ATG2B: variants seen among roughly 807,000 people sequenced by gnomAD.
ATG2B encodes autophagy related 2B.
In ATG2B, 121 loss-of-function variants were observed where a neutral mutation model predicts 241.3. The ratio of observed to expected loss-of-function variants is 0.50; its 90% confidence interval spans 0.43 to 0.58. The LOEUF (loss-of-function observed/expected upper bound fraction) is 0.58, where lower values mean the gene tolerates loss of function less well. Among genes scored for constraint, ATG2B ranks in the 20% least tolerant of loss-of-function variants. The pLI is 0.00. For missense variants in ATG2B, 2,306 were observed against 2,491.6 expected, an observed-to-expected ratio of 0.93 and a Z score of 1.59; for synonymous variants, 858 against 876.6, an observed-to-expected ratio of 0.98 and a Z score of 0.37.
rs1886137919 is a variant in ATG2B, at chr14:96,279,437, T to G, written c.*6318A>C. The G allele has an allele frequency of 6.6e-6, 1 of 152,224 alleles. No individual in the cohort carries two copies. Among genetic ancestry groups the G allele is most frequent in the Non-Finnish European group, 1.5e-5 (1 of 68,056 alleles). 9.4% of individuals were successfully genotyped at this position (152,224 alleles called of 1,614,324 possible). On this transcript the variant is annotated 3_prime_UTR_variant, in exon 42 of 42. Coordinates refer to ENST00000359933, the MANE Select transcript of ATG2B (RefSeq NM_018036.7). The stretch of plus-strand genomic sequence containing the variant: ...TTCATTCATTCACTCATTCACCATT[T>G]GCTGATCCCTGACTCTGGGCAAGGC...
chr14:96,343,109 T>C lies in ATG2B; in HGVS notation c.744+10A>G, dbSNP rs760293731. On this transcript the variant is annotated intron_variant, in intron 5 of 41. Transcript: ENST00000359933. ...ATGATTATGGTTTTAGGGTTTTTGT[T>C]TTTTCTTACCACTGGTGCAGTTGAA... 3.3e-6 allele frequency: 5 copies of C among 1,533,040 alleles called. No homozygotes were observed. Among genetic ancestry groups the C allele is most frequent in the Non-Finnish European group, 4.4e-6 (5 of 1,140,268 alleles). The allele number at this position is 1,533,040 out of a possible 1,614,324, so 95.0% of individuals were successfully genotyped here.
chr14:96,304,563 C>G lies in ATG2B; in HGVS notation c.4774G>C (p.Gly1592Arg). Residue 1592 changes from glycine (G) to arginine (R), a missense_variant, in exon 32 of 42, where the codon GGA becomes CGA. Around this residue, in one of 2 missense-constraint regions of ATG2B, gnomAD observed 1,927 missense variants for 2,011.2 expected, o/e 0.96. Coordinates refer to ENST00000359933, the MANE Select transcript of ATG2B (RefSeq NM_018036.7). ...TTTCCCCCACATACTGTATTACGTC[C>G]ATGTCTCGTGGGTGTGTGAGAAGGC... Reference protein sequence around the residue: ...SSPSHTPTRHGRNTVCGGKGR... With the variant: ...SSPSHTPTRHRRNTVCGGKGR... 1 of 1,609,060 alleles carries G rather than the reference C, an allele frequency of 6.2e-7. No homozygotes were observed. The highest frequency in any genetic ancestry group is 8.5e-7 in the Non-Finnish European group (1 of 1,178,002).
rs745806160 is a variant in ATG2B at position 96,295,128 on chromosome 14, G to C, written c.5258C>G (p.Pro1753Arg). The C allele has an allele frequency of 2.5e-6, 4 of 1,614,044 alleles. No individual in the cohort carries two copies. In the East Asian group the frequency reaches 8.9e-5, roughly 36 times the overall value. Residue 1753 changes from proline to arginine, a missense_variant, in exon 36 of 42, where the codon CCA (proline) becomes CGA (arginine). This residue lies in a region of ATG2B where 379 missense variants were observed against 480.4 expected (regional missense o/e 0.79). Coordinates refer to ENST00000359933, the MANE Select transcript of ATG2B (RefSeq NM_018036.7). Reference protein sequence around the residue: ...SPGADVTCSLPRHLSTSKEPN... With the variant: ...SPGADVTCSLRRHLSTSKEPN... ...CTCCTTTGAGGTACTCAAATGCCTTGGCAAACTGCAGGTGACATCAGCTCC... is the reference window on the plus strand; with the variant it reads ...CTCCTTTGAGGTACTCAAATGCCTTCGCAAACTGCAGGTGACATCAGCTCC...
At chr14:96,360,692 T>G (rs981300927) in intron 1 of ATG2B, among the ~76,000 whole-genome samples, 1 of 152,214 alleles carries the variant, frequency 6.6e-6, no homozygotes, top group African/African-American at 2.4e-5. Context: ...ATTGATCATT[T>G]AGAATTGAAA....
At position 96,290,650 on chromosome 14, in the gene ATG2B, A is replaced by C; in HGVS notation, c.5702-60T>G. 6.3e-7 allele frequency: 1 copy of C among 1,594,862 alleles called. No homozygotes were observed. The highest frequency in any genetic ancestry group is 8.6e-7 in the Non-Finnish European group (1 of 1,169,526). ...ACAGTTCAGACTTTTCTATCATTCT[A>C]ACCCTGGGGTTTTTAACTCCTAAAA... On this transcript the variant is annotated intron_variant, in intron 39 of 41. Coordinates refer to ENST00000359933, the MANE Select transcript of ATG2B (RefSeq NM_018036.7). This position sits in a 1 kb window ranked among gnomAD's most constrained non-coding sequence, Gnocchi z 4.4.
intron 15 of ATG2B, chr14:96,324,234 A>C (rs1196153745): frequency 2.2e-6 from 1 of 447,938 alleles, no homozygotes; most frequent in African/African-American, 2.0e-5. Flanking sequence ...CATAAAGTAC[A>C]TAATGACATA....
Position 96,290,345 on chromosome 14 carries a change from T to C in ATG2B, c.5856+91A>G, listed in dbSNP as rs1252152869. 74 of 1,464,026 alleles carry C rather than the reference T, an allele frequency of 5.1e-5. No homozygotes were observed. The highest frequency in any genetic ancestry group is 6.4e-5 in the Non-Finnish European group (70 of 1,086,166). 90.7% of individuals were successfully genotyped at this position (1,464,026 alleles called of 1,614,324 possible). A position where few individuals can be genotyped will look rare whatever the true frequency, so the allele number is the denominator to read the frequency against. ...TAAAGTATCTACTCACAACATTTTG[T>C]ATATCTTCACAGTATCGTTTTAAAA... On this transcript the variant is annotated intron_variant, in intron 40 of 41. Coordinates refer to ENST00000359933, the MANE Select transcript of ATG2B (RefSeq NM_018036.7). The surrounding 1 kb of genome is among the most constrained non-coding windows in gnomAD (Gnocchi z 4.4).
intron 18 of ATG2B, among the ~76,000 whole-genome samples, chr14:96,320,936 G>A (rs2139869043): frequency 6.6e-6 from 1 of 152,200 alleles, no homozygotes; most frequent in African/African-American, 2.4e-5. Flanking sequence ...CCTCTCTAAT[G>A]TGAATTGAAT....
chr14:96,315,624 T>C (rs1249057404), intron 21 of ATG2B, 41 bp from the exon 22 acceptor site: 1 of 1,493,910 alleles, frequency 6.7e-7, no homozygotes, highest in Non-Finnish European at 9.3e-7. Context: ...ACAAAATGAT[T>C]ACTTGAAATT....
chr14:96,362,800 G>A lies in ATG2B; in HGVS notation c.162+15C>T. 1.9e-6 allele frequency: 3 copies of A among 1,583,830 alleles called. No individual in the cohort carries two copies. Among genetic ancestry groups the A allele is most frequent in the South Asian group, 1.1e-5 (1 of 89,146 alleles). Reference sequence around the variant, plus strand: ...GGGAGCGAGCCCCGCCCGGCTCGCCGCCGGCAGCTCTTACCCATTTGTCCA... The same window carrying A: ...GGGAGCGAGCCCCGCCCGGCTCGCCACCGGCAGCTCTTACCCATTTGTCCA... On this transcript the variant is annotated intron_variant, in intron 1 of 41. Transcript: ENST00000359933.
rs771625294 is a variant in ATG2B, at chr14:96,341,676, C to G, written c.770G>C (p.Ser257Thr). 27 of 1,583,800 alleles carry G rather than the reference C, an allele frequency of 1.7e-5. No homozygotes were observed. The highest frequency in any genetic ancestry group is 4.7e-5 in the South Asian group (4 of 85,038). The change falls in exon 6 of 42, where the codon AGC becomes ACC. Residue 257 changes from serine (S) to threonine (T), a missense_variant. Around this residue, in one of 2 missense-constraint regions of ATG2B, gnomAD observed 1,927 missense variants for 2,011.2 expected, o/e 0.96. Transcript: ENST00000359933. ...PVETEPKLSP[S>T]WNPKIIYEPH... is the part of the protein sequence containing the mutation. ...CTCATAAATAATTTTGGGGTTCCAG[C>G]TAGGTGAGAGCTTTGGCTCAGTTTC...
At chr14:96,305,565 A>G in intron 31 of ATG2B, 24 bp downstream of exon 31, 11 of 1,508,724 alleles carry the variant, frequency 7.3e-6, no homozygotes, top group Non-Finnish European at 1.0e-5. Flanking sequence ...CCTCCCAAAT[A>G]AACTTATATA....
intron 6 of ATG2B, among the ~76,000 whole-genome samples, chr14:96,336,879 G>A (rs1887881840): frequency 6.6e-6 from 1 of 152,140 alleles, no homozygotes; most frequent in African/African-American, 2.4e-5. Context: ...CATTGTAAAA[G>A]GATTTTGCAC....
intron 29 of ATG2B, among the ~76,000 whole-genome samples, chr14:96,307,555 TG>T (rs1480656259): frequency 1.3e-5 from 2 of 152,328 alleles, no homozygotes; most frequent in East Asian, 1.9e-4. Context: ...AGTGGAGTTT[TG>T]CTTTACCCAG....
Position 96,289,073 on chromosome 14 carries a change from T to C in ATG2B, c.6006+583A>G, listed in dbSNP as rs1030858304. Among the ~76,000 whole-genome samples the C allele has an allele frequency of 1.3e-5, 2 of 152,202 alleles. No homozygotes were observed. The highest frequency in any genetic ancestry group is 2.9e-5 in the Non-Finnish European group (2 of 68,032). On this transcript the variant is annotated intron_variant, in intron 41 of 41. Coordinates refer to ENST00000359933, the MANE Select transcript of ATG2B (RefSeq NM_018036.7). This position sits in a 1 kb window ranked among gnomAD's most constrained non-coding sequence, Gnocchi z 4.3. Reference sequence around the variant, plus strand: ...ACCATAAAACTGTGGAAATTAGACCTACATGGATTAAGATTAACATGGATC... The same window carrying C: ...ACCATAAAACTGTGGAAATTAGACCCACATGGATTAAGATTAACATGGATC...
Position 96,279,300 on chromosome 14 carries a change from ATCT to A in ATG2B, c.*6452_*6454del, listed in dbSNP as rs1388025722. The A allele has an allele frequency of 2.0e-5, 3 of 152,230 alleles. No individual in the cohort carries two copies. The highest frequency in any genetic ancestry group is 7.2e-5 in the African/African-American group (3 of 41,462). The allele number at this position is 152,230 out of a possible 1,614,324, so 9.4% of individuals were successfully genotyped here. A position where few individuals can be genotyped will look rare whatever the true frequency, so the allele number is the denominator to read the frequency against. ...CGTGAGCTTACATTGAATAAAGGACATCTGTAAGTAGTAATCATGTGATCTTGG... is the reference window on the plus strand; with the variant it reads ...CGTGAGCTTACATTGAATAAAGGACAGTAAGTAGTAATCATGTGATCTTGG... On this transcript the variant is annotated 3_prime_UTR_variant, in exon 42 of 42. Transcript: ENST00000359933.
At chr14:96,301,701 ACT>A (rs752884795) in intron 34 of ATG2B, among the ~76,000 whole-genome samples, 1 of 152,112 alleles carries the variant, frequency 6.6e-6, no homozygotes, top group Non-Finnish European at 1.5e-5. Context: ...ATCCTCTAAT[ACT>A]CTCTGAAAAT....
chr14:96,350,234 T>C (rs1002349396), intron 1 of ATG2B, among the ~76,000 whole-genome samples: 1 of 152,058 alleles, frequency 6.6e-6, no homozygotes, highest in Admixed American at 6.5e-5. Flanking sequence ...ACTTATACAG[T>C]GTAAAATGAG....
intron 1 of ATG2B, among the ~76,000 whole-genome samples, chr14:96,354,693 G>A (rs1401196962): frequency 3.3e-5 from 5 of 152,116 alleles, no homozygotes; most frequent in Non-Finnish European, 5.9e-5. Flanking sequence ...CTGAGGAATC[G>A]CCACACTGTC....
Sources: gnomAD v4.1 joint callset for allele counts (sites outside exome capture counted in the v4.1 genomes callset) on GRCh38, gnomAD v4.1.1 for gene constraint, gnomAD v4.1.1 regional missense constraint, Gnocchi (gnomAD v3.1) non-coding constraint, MANE v1.5 for transcripts, NCBI Gene and HGNC (gene_info 2026-07-23, HGNC 2026-07-21) for gene names.